Variants in CAMK2G observed in about 807,000 individuals in gnomAD.
The protein encoded by CAMK2G is calcium/calmodulin-dependent protein kinase type II subunit gamma.
A neutral mutation model predicts 88.7 loss-of-function variants in CAMK2G; 23 were observed. That is an observed-to-expected ratio of 0.26 (90% CI 0.19 to 0.37). CAMK2G has a LOEUF of 0.37. CAMK2G is among the 10% of genes least tolerant of loss of function. CAMK2G has a pLI of 1.00. For missense variants in CAMK2G, 476 were observed against 780.8 expected (o/e 0.61, Z 4.65); for synonymous variants, 263 against 294.8 (o/e 0.89, Z 1.11).
chr10:73,842,636 C>T lies in CAMK2G; in HGVS notation c.820-95G>A. ...ATACCATGCCCAGGACAGGGTCATGCACTCAGCCACCCCAGAGTTGCTCTG... is the reference window on the plus strand; with the variant it reads ...ATACCATGCCCAGGACAGGGTCATGTACTCAGCCACCCCAGAGTTGCTCTG... On this transcript the variant is annotated intron_variant, in intron 10 of 22. Transcript: ENST00000423381. This position sits in a 1 kb window ranked among gnomAD's most constrained non-coding sequence, Gnocchi z 4.6. The T allele has an allele frequency of 1.2e-6, 1 of 841,396 alleles. No homozygotes were observed. Among genetic ancestry groups the T allele is most frequent in the Non-Finnish European group, 2.0e-6 (1 of 498,312 alleles). 52.1% of individuals were successfully genotyped at this position (841,396 alleles called of 1,614,324 possible).
intron 14 of CAMK2G, among the ~76,000 whole-genome samples, chr10:73,829,635 T>C (rs1357765982): frequency 1.3e-5 from 2 of 151,760 alleles, no homozygotes; most frequent in East Asian, 3.9e-4. Flanking sequence ...AAATATGATA[T>C]TTTACTTCGA....
intron 4 of CAMK2G, 129 bp from the exon 5 acceptor site, chr10:73,852,448 C>G: frequency 1.4e-6 from 1 of 723,140 alleles, no homozygotes; most frequent in Non-Finnish European, 2.5e-6. Flanking sequence ...TGCATTTCAT[C>G]TGAGAGCTCA....
chr10:73,855,336 C>A (rs1371496946), intron 3 of CAMK2G, among the ~76,000 whole-genome samples: 6 of 152,218 alleles, frequency 3.9e-5, no homozygotes, highest in Admixed American at 3.9e-4. Flanking sequence ...TACAAATAAT[C>A]CCCTGGAAAT....
intron 10 of CAMK2G, 106 bp downstream of exon 10, chr10:73,847,119 T>C: frequency 1.6e-6 from 2 of 1,216,912 alleles, no homozygotes; most frequent in East Asian, 4.7e-5. Flanking sequence ...CAGTTATTGC[T>C]TGGGGCCCAG....
Position 73,814,380 on chromosome 10 carries a change from G to C in CAMK2G, c.*138C>G, listed in dbSNP as rs1032898725. The C allele has an allele frequency of 9.2e-5, 14 of 152,840 alleles. No individual in the cohort carries two copies. The highest frequency in any genetic ancestry group is 1.8e-4 in the Non-Finnish European group (12 of 68,436). The allele number at this position is 152,840 out of a possible 1,614,324, so 9.5% of individuals were successfully genotyped here. On this transcript the variant is annotated 3_prime_UTR_variant, in exon 23 of 23. Transcript: ENST00000423381. Reference sequence around the variant, plus strand: ...AGGGCTGCATGCAGGGGCGTGCATTGGCTGCTGCCGCTTTTGTAATTGAAT... The same window carrying C: ...AGGGCTGCATGCAGGGGCGTGCATTCGCTGCTGCCGCTTTTGTAATTGAAT...
At chr10:73,872,822 T>C (rs908117463) in intron 2 of CAMK2G, among the ~76,000 whole-genome samples, 167 bp downstream of exon 2, 2 of 152,124 alleles carry the variant, frequency 1.3e-5, no homozygotes, top group African/African-American at 4.8e-5. Flanking sequence ...CAGTCCCCCA[T>C]GCAACTCCTT....
At chr10:73,860,099 A>G (rs971031707) in intron 3 of CAMK2G, among the ~76,000 whole-genome samples, 3 of 152,220 alleles carry the variant, frequency 2.0e-5, no homozygotes, top group Non-Finnish European at 4.4e-5. Context: ...CAGCCAGCCC[A>G]GTTTCTGTCC....
chr10:73,839,388 AG>A lies in CAMK2G; in HGVS notation c.1009+150del, dbSNP rs1483975799. ...GGCTCCATAACAACGATGCGCTTGCAGATGCCAAGTTAGGTAGTCTGTCTGG... is the reference window on the plus strand; with the variant it reads ...GGCTCCATAACAACGATGCGCTTGCAATGCCAAGTTAGGTAGTCTGTCTGG... On this transcript the variant is annotated intron_variant, in intron 13 of 22. Coordinates refer to ENST00000423381, the MANE Select transcript of CAMK2G (RefSeq NM_001367534.1). This position sits in a 1 kb window ranked among gnomAD's most constrained non-coding sequence, Gnocchi z 4.2. 1 of 417,720 alleles carries A rather than the reference AG, an allele frequency of 2.4e-6. No homozygotes were observed. The highest frequency in any genetic ancestry group is 4.1e-6 in the Non-Finnish European group (1 of 245,070). 25.9% of individuals were successfully genotyped at this position (417,720 alleles called of 1,614,324 possible).
intron 3 of CAMK2G, among the ~76,000 whole-genome samples, chr10:73,860,252 C>A (rs948400659): frequency 6.6e-6 from 1 of 152,208 alleles, no homozygotes; most frequent in Non-Finnish European, 1.5e-5. Flanking sequence ...CTTGTCCCCC[C>A]AGTCAGGGTG....
chr10:73,849,476 C>T (rs902665013), intron 5 of CAMK2G, 143 bp from the exon 6 acceptor site: 4 of 616,296 alleles, frequency 6.5e-6, no homozygotes, highest in Non-Finnish European at 1.2e-5. Flanking sequence ...GAACCTTAGA[C>T]TCTGCACATC....
intron 20 of CAMK2G, 83 bp downstream of exon 20, chr10:73,817,396 C>T (rs2086020098): frequency 9.6e-7 from 1 of 1,043,670 alleles, no homozygotes; most frequent in Non-Finnish European, 1.5e-6. Flanking sequence ...CCTCCCTTTC[C>T]CCAGGGTCCT....
intron 16 of CAMK2G, 24 bp downstream of exon 16, chr10:73,825,255 G>C (rs374161786): frequency 2.3e-5 from 36 of 1,574,448 alleles, no homozygotes; most frequent in Non-Finnish European, 3.0e-5. Context: ...GGTCAGAGGC[G>C]GAGAAGCTGT....
chr10:73,850,328 G>A (rs1310078154), intron 5 of CAMK2G, among the ~76,000 whole-genome samples: 2 of 152,166 alleles, frequency 1.3e-5, no homozygotes, highest in African/African-American at 4.8e-5. Flanking sequence ...TGTCCACATA[G>A]CAAACCATCC....
intron 13 of CAMK2G, 43 bp from the exon 14 acceptor site, chr10:73,837,554 C>T (rs1197949632): frequency 6.6e-7 from 1 of 1,518,498 alleles, no homozygotes; most frequent in South Asian, 1.1e-5. Flanking sequence ...GCATTGTACC[C>T]TCTCCCCAAC....
At chr10:73,831,867 A>G (rs1311470574) in intron 14 of CAMK2G, among the ~76,000 whole-genome samples, 2 of 151,438 alleles carry the variant, frequency 1.3e-5, no homozygotes, top group Non-Finnish European at 2.9e-5. Context: ...CTCAAAAAAC[A>G]AAAAAAAAGA....
chr10:73,852,817 T>C (rs2094727721), intron 4 of CAMK2G: 1 of 268,922 alleles, frequency 3.7e-6, no homozygotes, highest in Non-Finnish European at 7.0e-6. Context: ...CCCAATCCAA[T>C]GGAGCCTGGT....
At chr10:73,841,348 G>A (rs1350376063) in intron 12 of CAMK2G, among the ~76,000 whole-genome samples, 2 of 152,190 alleles carry the variant, frequency 1.3e-5, no homozygotes, top group African/African-American at 4.8e-5. Context: ...AGTGAGGCAA[G>A]GGGTTAGAGG....
intron 19 of CAMK2G, among the ~76,000 whole-genome samples, chr10:73,817,936 T>C (rs1274918230): frequency 2.0e-5 from 3 of 152,158 alleles, no homozygotes; most frequent in African/African-American, 4.8e-5. Context: ...ATAAGGCCGC[T>C]TCCACCCCCA....
chr10:73,815,324 G>A (rs2085032461), intron 21 of CAMK2G, 77 bp from the exon 22 acceptor site: 1 of 962,330 alleles, frequency 1.0e-6, no homozygotes, highest in Non-Finnish European at 1.6e-6. Flanking sequence ...GCACTTCCAA[G>A]TCTTACCATC....
Sources: allele counts gnomAD v4.1 joint callset (sites outside exome capture counted in the v4.1 genomes callset), GRCh38; gene constraint gnomAD v4.1.1; non-coding constraint Gnocchi (gnomAD v3.1); transcripts MANE v1.5; gene names NCBI Gene and HGNC (gene_info 2026-07-23, HGNC 2026-07-21).